CDK14: variants seen among roughly 807,000 people sequenced by gnomAD.
CDK14 encodes cyclin dependent kinase 14.
In CDK14, 34 loss-of-function variants were observed where a neutral mutation model predicts 60.7. The observed-to-expected ratio is 0.56, with a 90% CI of 0.43 to 0.75. CDK14 has a LOEUF of 0.75. Among genes scored for constraint, CDK14 ranks in the 30% least tolerant of loss-of-function variants. The probability of loss-of-function intolerance (pLI) is 0.00; values close to 1 mark genes in which losing one functional copy is unlikely to be tolerated. For missense variants in CDK14, 482 were observed against 564.1 expected, an observed-to-expected ratio of 0.85 and a Z score of 1.47; for synonymous variants, 197 against 203.7, an observed-to-expected ratio of 0.97 and a Z score of 0.28.
chr7:90,984,290 C>A, intron 10 of CDK14, 49 bp downstream of exon 10: 1 of 1,136,642 alleles, frequency 8.8e-7, no homozygotes, highest in South Asian at 1.2e-5. Flanking sequence ...TCTAATTAGT[C>A]ACTTAGTGAC....
At chr7:91,078,638 T>G (rs1415028431) in intron 11 of CDK14, among the ~76,000 whole-genome samples, 2 of 152,176 alleles carry the variant, frequency 1.3e-5, no homozygotes, top group African/African-American at 4.8e-5. Flanking sequence ...ATTCTTGATT[T>G]GAAGGACTAT....
At chr7:90,744,505 C>T (rs934793043) in intron 3 of CDK14, among the ~76,000 whole-genome samples, 2 of 152,248 alleles carry the variant, frequency 1.3e-5, no homozygotes, top group African/African-American at 4.8e-5. Flanking sequence ...CATCATGGCC[C>T]GTTCTCAATG....
intron 2 of CDK14, among the ~76,000 whole-genome samples, chr7:90,621,475 T>G (rs1190151136): frequency 3.3e-5 from 5 of 152,236 alleles, no homozygotes; most frequent in Non-Finnish European, 5.9e-5. Flanking sequence ...AGACAGCATT[T>G]CTACCTCTCT....
chr7:91,058,766 G>T (rs1797672549), intron 11 of CDK14, among the ~76,000 whole-genome samples: 1 of 152,218 alleles, frequency 6.6e-6, no homozygotes, highest in South Asian at 2.1e-4. Flanking sequence ...ACTTGATCAT[G>T]ATGGATAAGC....
chr7:90,936,317 A>G (rs1415353851), intron 8 of CDK14, among the ~76,000 whole-genome samples: 1 of 152,234 alleles, frequency 6.6e-6, no homozygotes, highest in Non-Finnish European at 1.5e-5. Flanking sequence ...TATGTGAGAT[A>G]CCAGAAATGC....
intron 2 of CDK14, among the ~76,000 whole-genome samples, chr7:90,682,334 C>T (rs1801333882): frequency 6.6e-6 from 1 of 152,092 alleles, no homozygotes; most frequent in Non-Finnish European, 1.5e-5. Context: ...ATAATTTAAA[C>T]TTGAAAACCT....
chr7:90,805,425 G>T (rs1584908562), intron 5 of CDK14, among the ~76,000 whole-genome samples: 1 of 103,534 alleles, frequency 9.7e-6, no homozygotes, highest in Admixed American at 1.1e-4. Context: ...GAATAGAAAG[G>T]AATTTTCTCA....
intron 2 of CDK14, 100 bp downstream of exon 2, chr7:90,604,349 T>A: frequency 1.7e-6 from 1 of 593,600 alleles, no homozygotes; most frequent in Non-Finnish European, 2.9e-6. Flanking sequence ...AAAATGCCTT[T>A]AAAACGCGAG....
chr7:90,767,690 A>G (rs1584871937), intron 4 of CDK14, among the ~76,000 whole-genome samples: 4 of 152,296 alleles, frequency 2.6e-5, no homozygotes, highest in Admixed American at 2.6e-4. Context: ...TGACAAACAT[A>G]ACTCCTGACT....
intron 14 of CDK14, among the ~76,000 whole-genome samples, chr7:91,169,347 C>T (rs985944748): frequency 3.9e-5 from 6 of 152,328 alleles, no homozygotes; most frequent in African/African-American, 1.2e-4. Flanking sequence ...ACCCCTCACA[C>T]TGGTTCTGAC....
At chr7:91,085,424 C>T (rs1451166642) in intron 12 of CDK14, among the ~76,000 whole-genome samples, 1 of 152,198 alleles carries the variant, frequency 6.6e-6, no homozygotes. Flanking sequence ...TTCCTGTCTG[C>T]CCCATTTCCT....
intron 14 of CDK14, among the ~76,000 whole-genome samples, chr7:91,178,476 T>G (rs1442695447): frequency 1.4e-5 from 2 of 144,688 alleles, no homozygotes; most frequent in South Asian, 2.2e-4. Context: ...CTAATTAAAC[T>G]AAAGAGCTTC....
chr7:91,009,169 A>T (rs906465309), intron 10 of CDK14, among the ~76,000 whole-genome samples: 1 of 152,038 alleles, frequency 6.6e-6, no homozygotes, highest in Non-Finnish European at 1.5e-5. Context: ...CTATTTTGAG[A>T]TCCATCCATG....
intron 2 of CDK14, among the ~76,000 whole-genome samples, chr7:90,717,940 C>A (rs1380816995): frequency 1.3e-5 from 2 of 151,908 alleles, no homozygotes; most frequent in Non-Finnish European, 2.9e-5. Flanking sequence ...GCTCCCCCCA[C>A]CCCACCAAAA....
At chr7:90,620,935 A>G (rs1029480562) in intron 2 of CDK14, among the ~76,000 whole-genome samples, 5 of 152,214 alleles carry the variant, frequency 3.3e-5, no homozygotes, top group African/African-American at 1.2e-4. Flanking sequence ...TGGCCTTGCT[A>G]TGACCACGTG....
intron 11 of CDK14, among the ~76,000 whole-genome samples, chr7:91,077,059 T>C (rs961549932): frequency 2.6e-5 from 4 of 152,240 alleles, no homozygotes; most frequent in African/African-American, 4.8e-5. Context: ...GAATGTGAAT[T>C]AGTTCAATCA....
At chr7:90,859,310 G>A (rs1002477925) in intron 5 of CDK14, among the ~76,000 whole-genome samples, 8 of 152,176 alleles carry the variant, frequency 5.3e-5, no homozygotes, top group African/African-American at 1.9e-4. Context: ...TTTGCTTGGG[G>A]AAGACAATGG....
chr7:90,949,894 A>T (rs891928186), intron 8 of CDK14, among the ~76,000 whole-genome samples: 1 of 152,212 alleles, frequency 6.6e-6, no homozygotes, highest in African/African-American at 2.4e-5. Context: ...AACAAAAAAC[A>T]TAGACCTGTC....
chr7:90,980,570 G>A (rs982147913), intron 9 of CDK14, among the ~76,000 whole-genome samples: 5 of 152,064 alleles, frequency 3.3e-5, no homozygotes, highest in Admixed American at 6.5e-5. Context: ...TGGCAATAAG[G>A]CAGTCCAGTA....
Sources: gnomAD v4.1 joint callset for allele counts (sites outside exome capture counted in the v4.1 genomes callset) on GRCh38, gnomAD v4.1.1 for gene constraint, MANE v1.5 for transcripts, NCBI Gene and HGNC (gene_info 2026-07-23, HGNC 2026-07-21) for gene names.